The following PHF14 variants were observed in gnomAD, a reference collection of about 807,000 sequenced individuals.
PHF14 encodes PHD finger protein 14.
In PHF14, 55 loss-of-function variants were observed where a neutral mutation model predicts 117.9. The observed-to-expected ratio is 0.47, with a 90% confidence interval of 0.38 to 0.58. PHF14 has a LOEUF of 0.58. Ranked by LOEUF, PHF14 falls within the 20% of genes least tolerant of loss-of-function variation. The pLI is 0.00. For missense variants in PHF14, 978 were observed against 1,122.2 expected (o/e 0.87, Z 1.84); for synonymous variants, 409 against 368.6 (o/e 1.11, Z -1.26).
chr7:11,002,495 A>G (rs968659898), intron 4 of PHF14, among the ~76,000 whole-genome samples: 11 of 149,972 alleles, frequency 7.3e-5, no homozygotes, highest in East Asian at 2.0e-4. Flanking sequence ...CTGGAGTGCA[A>G]TGGAGCAATC....
At chr7:10,987,867 C>G (rs984719702) in intron 3 of PHF14, among the ~76,000 whole-genome samples, 4 of 151,532 alleles carry the variant, frequency 2.6e-5, no homozygotes, top group African/African-American at 9.7e-5. Context: ...TAAAACAGAT[C>G]TAGCTGGGCG....
At chr7:11,159,483 G>GA (rs1160943063) in intron 17 of PHF14, among the ~76,000 whole-genome samples, 3 of 151,836 alleles carry the variant, frequency 2.0e-5, no homozygotes, top group African/African-American at 7.3e-5. Flanking sequence ...TTTTCTGAGA[G>GA]AAAAATATAT....
At chr7:11,151,381 C>T (rs951750075) in intron 17 of PHF14, among the ~76,000 whole-genome samples, 1 of 151,948 alleles carries the variant, frequency 6.6e-6, no homozygotes, top group Non-Finnish European at 1.5e-5. Flanking sequence ...CATAGTGAGA[C>T]CACCCTCTCT....
At chr7:11,119,888 T>C (rs2128345519) in intron 17 of PHF14, among the ~76,000 whole-genome samples, 1 of 152,054 alleles carries the variant, frequency 6.6e-6, no homozygotes, top group African/African-American at 2.4e-5. Flanking sequence ...ATTTTGATTT[T>C]CTGATGGAAT....
chr7:11,122,348 T>TACACACACACAC (rs1311000231), intron 17 of PHF14, among the ~76,000 whole-genome samples: 10 of 61,608 alleles, frequency 1.6e-4, no homozygotes, highest in Non-Finnish European at 2.6e-4. Context: ...TATATATATA[T>TACACACACACAC]ATATACACAC....
Position 10,983,013 on chromosome 7 carries a change from G to A in PHF14, c.754G>A (p.Asp252Asn), listed in dbSNP as rs372214081. 4 of 1,584,708 alleles carry A rather than the reference G, an allele frequency of 2.5e-6. No homozygotes were observed. The highest frequency in any genetic ancestry group is 2.6e-6 in the Non-Finnish European group (3 of 1,167,968). ...EGSGSDEDEN[D>N]EGNDEDHSSP... is the part of the protein sequence containing the mutation. ...AAGCGGGAGTGATGAAGACGAGAAT[G>A]ATGAAGGCAATGATGAAGATCATAG... The change falls in exon 3 of 18, where the codon GAT (aspartate) becomes AAT (asparagine). Residue 252 changes from aspartate to asparagine, a missense_variant. Physicochemically the swap from Asp to Asn is conservative, Grantham distance 23. Transcript: ENST00000634607.
At chr7:11,007,562 A>T (rs923495727) in intron 4 of PHF14, among the ~76,000 whole-genome samples, 50 of 152,194 alleles carry the variant, frequency 3.3e-4, no homozygotes, top group African/African-American at 1.1e-3. Flanking sequence ...ATGGTTGCTT[A>T]CAGTGACAGA....
At chr7:11,114,383 A>G (rs1038393048) in intron 17 of PHF14, among the ~76,000 whole-genome samples, 3 of 152,082 alleles carry the variant, frequency 2.0e-5, no homozygotes, top group Non-Finnish European at 4.4e-5. Context: ...TTCAAGTAAC[A>G]AGTTTTTGAT....
chr7:11,030,527 T>G (rs1784084776), intron 7 of PHF14, among the ~76,000 whole-genome samples: 1 of 152,090 alleles, frequency 6.6e-6, no homozygotes, highest in Admixed American at 6.6e-5. Context: ...AGTTATGGGA[T>G]TTGGAGAGTG....
intron 17 of PHF14, among the ~76,000 whole-genome samples, chr7:11,157,707 A>G (rs576070251): frequency 1.3e-5 from 2 of 152,324 alleles, no homozygotes; most frequent in African/African-American, 4.8e-5. Context: ...AAACATGACA[A>G]TGAATTTCAT....
At chr7:11,011,760 A>C (rs1033198170) in intron 4 of PHF14, among the ~76,000 whole-genome samples, 1 of 152,166 alleles carries the variant, frequency 6.6e-6, no homozygotes, top group African/African-American at 2.4e-5. Flanking sequence ...CTTCCTTTTT[A>C]GAGGAAGGGA....
At chr7:11,035,326 A>G (rs1031089881) in intron 7 of PHF14, among the ~76,000 whole-genome samples, 10 of 152,128 alleles carry the variant, frequency 6.6e-5, no homozygotes, top group African/African-American at 2.4e-4. Context: ...GGGGTCCTGG[A>G]ACCAGTCCCC....
intron 17 of PHF14, among the ~76,000 whole-genome samples, chr7:11,113,109 A>G (rs1215842368): frequency 6.6e-6 from 1 of 152,062 alleles, no homozygotes. Flanking sequence ...CAAACAAGTT[A>G]GGAAAACAAT....
At chr7:11,126,430 A>T (rs565581409) in intron 17 of PHF14, among the ~76,000 whole-genome samples, 1 of 152,206 alleles carries the variant, frequency 6.6e-6, no homozygotes, top group Non-Finnish European at 1.5e-5. Context: ...CCTTGTGACA[A>T]TGTTGAAGCT....
At chr7:11,165,472 A>G (rs1231952108) in intron 17 of PHF14, among the ~76,000 whole-genome samples, 1 of 152,222 alleles carries the variant, frequency 6.6e-6, no homozygotes, top group Non-Finnish European at 1.5e-5. Context: ...CTATAAAGAT[A>G]TAAAGAATAG....
At chr7:11,139,291 C>T (rs149092027) in intron 17 of PHF14, among the ~76,000 whole-genome samples, 1 of 152,300 alleles carries the variant, frequency 6.6e-6, no homozygotes, top group East Asian at 1.9e-4. Flanking sequence ...AGGCATTCAT[C>T]TATCTTTCAC....
chr7:11,031,088 C>A (rs1784106925), intron 7 of PHF14, among the ~76,000 whole-genome samples: 1 of 151,876 alleles, frequency 6.6e-6, no homozygotes, highest in Non-Finnish European at 1.5e-5. Context: ...GCATATCTTG[C>A]CTTCTATTTC....
chr7:11,107,560 A>C (rs1254405948), intron 16 of PHF14: 1 of 860,308 alleles, frequency 1.2e-6, no homozygotes, highest in Admixed American at 6.3e-5. Flanking sequence ...CTTAAATGAT[A>C]CTTCTTTAAG....
chr7:11,047,751 T>A (rs1049234129), intron 13 of PHF14, among the ~76,000 whole-genome samples: 6 of 145,858 alleles, frequency 4.1e-5, no homozygotes, highest in Admixed American at 3.5e-4. Context: ...GCGCCAGTGC[T>A]CTCCAATCTG....
Sources: allele counts gnomAD v4.1 joint callset (sites outside exome capture counted in the v4.1 genomes callset), GRCh38; gene constraint gnomAD v4.1.1; transcripts MANE v1.5; gene names NCBI Gene and HGNC (gene_info 2026-07-23, HGNC 2026-07-21).